Variants in BIK observed in about 807,000 individuals in gnomAD.
BIK encodes bcl-2-interacting killer.
BIK carries 14 observed loss-of-function variants against 12.1 expected under a neutral mutation model. The ratio of observed to expected loss-of-function variants is 1.16; its 90% CI spans 0.77 to 1.81. The LOEUF is 1.81. Ranked by LOEUF, BIK falls within the 40% of genes most tolerant of loss-of-function variation. The pLI, the probability that BIK is intolerant of heterozygous loss-of-function variation, is 0.00. For missense variants in BIK, 215 were observed against 207.9 expected (o/e 1.03, Z -0.21); for synonymous variants, 86 against 92.3 (o/e 0.93, Z 0.39).
In BIK at chr22:43,124,158, G is replaced by T. The variant is rs766525617; in HGVS notation, c.136G>T (p.Asp46Tyr). The change falls in exon 2 of 5, where the codon GAT becomes TAT. Residue 46 changes from aspartate to tyrosine, a missense_variant. Coordinates refer to ENST00000216115, the MANE Select transcript of BIK (RefSeq NM_001197.5). ...GGACCTGGACCCTATGGAGGACTTC[G>T]ATTCTTTGGAATGCATGGAGGGCAG... The part of the protein sequence containing the change: ...EEDLDPMEDF[D>Y]SLECMEGSDA... The T allele has an allele frequency of 3.7e-6, 6 of 1,614,112 alleles. No individual in the cohort carries two copies. In the East Asian group the frequency reaches 1.3e-4, roughly 36 times the overall value.
At chr22:43,125,565 G>C (rs903258753) in intron 2 of BIK, among the ~76,000 whole-genome samples, 1 of 136,802 alleles carries the variant, frequency 7.3e-6, no homozygotes, top group Non-Finnish European at 1.6e-5. Flanking sequence ...TGTTACCCAG[G>C]TATGGGGCCG....
rs150558820 is a variant in BIK, at chr22:43,127,759, C to T, written c.224C>T (p.Pro75Leu). 430 of 1,553,246 alleles carry T rather than the reference C, an allele frequency of 2.8e-4. No individual in the cohort carries two copies. Among genetic ancestry groups the T allele is most frequent in the Admixed American group, 5.5e-4 (28 of 51,334 alleles). ...GAGATGGACGTGAGCCTCAGGGCCC[C>T]GCGCCTGGCCCAGCTCTCCGAGGTG... is the stretch of plus-strand genomic sequence containing the variant. Reference protein sequence around the residue: ...GDEMDVSLRAPRLAQLSEVAM... With the variant: ...GDEMDVSLRALRLAQLSEVAM... Residue 75 changes from proline (P) to leucine (L), a missense_variant, in exon 3 of 5, where the codon CCG (proline) becomes CTG (leucine). Pro to Leu is a moderately conservative substitution (Grantham distance 98). Transcript: ENST00000216115.
In BIK at chr22:43,124,016, A is replaced by G; in HGVS notation, c.-7A>G. The G allele has an allele frequency of 6.2e-7, 1 of 1,613,826 alleles. No homozygotes were observed. The highest frequency in any genetic ancestry group is 8.5e-7 in the Non-Finnish European group (1 of 1,179,910). On this transcript the variant is annotated splice_region_variant and 5_prime_UTR_variant, in exon 2 of 5. Coordinates refer to ENST00000216115, the MANE Select transcript of BIK (RefSeq NM_001197.5). ...GTCATATGCTGTCTTTTTGCCCCAG[A>G]GGAGAAATGTCTGAAGTAAGACCCC... is the stretch of plus-strand genomic sequence containing the variant.
chr22:43,116,249 C>T (rs1413529223), intron 1 of BIK, among the ~76,000 whole-genome samples: 2 of 151,982 alleles, frequency 1.3e-5, no homozygotes, highest in Non-Finnish European at 2.9e-5. Flanking sequence ...TATAGGTGTT[C>T]GAACAGGAAA....
At chr22:43,128,357 G>A (rs1224123105) in intron 3 of BIK, 139 bp from the exon 4 acceptor site, 19 of 1,100,828 alleles carry the variant, frequency 1.7e-5, no homozygotes, top group East Asian at 1.7e-4. Context: ...AGGCGCCCAC[G>A]GAAAGGGCCC....
chr22:43,120,333 G>A (rs915697004), intron 1 of BIK, among the ~76,000 whole-genome samples: 1 of 152,222 alleles, frequency 6.6e-6, no homozygotes, highest in Non-Finnish European at 1.5e-5. Flanking sequence ...GATTATAGGC[G>A]AGCGCCACCA....
chr22:43,119,906 G>A lies in BIK; in HGVS notation c.-7-4110G>A, dbSNP rs1161186833. ...GATTACCTGAGCCCAGGAGTTTGAG[G>A]CTGTAGTGAGCATGATCAGGCCACT... is the stretch of plus-strand genomic sequence containing the variant. On this transcript the variant is annotated intron_variant, in intron 1 of 4. Coordinates refer to ENST00000216115, the MANE Select transcript of BIK (RefSeq NM_001197.5). 2.0e-5 allele frequency among the ~76,000 whole-genome samples: 3 copies of A among 151,052 alleles called. 1 individual carries two copies. The highest frequency in any genetic ancestry group is 6.6e-5 in the Admixed American group (1 of 15,252).
At chr22:43,120,192 C>G (rs754560630) in intron 1 of BIK, among the ~76,000 whole-genome samples, 21 of 151,976 alleles carry the variant, frequency 1.4e-4, no homozygotes, top group Non-Finnish European at 2.9e-4. Context: ...GTGGCACAAC[C>G]CCCCACTTGT....
intron 1 of BIK, among the ~76,000 whole-genome samples, chr22:43,115,116 AT>A (rs1930085655): frequency 6.6e-6 from 1 of 152,188 alleles, no homozygotes; most frequent in Admixed American, 6.5e-5. Flanking sequence ...ACAGGTAAAC[AT>A]TTAACGAGAC....
In BIK at chr22:43,119,853, C is replaced by T. The variant is rs894365820; in HGVS notation, c.-7-4163C>T. 7.9e-5 allele frequency among the ~76,000 whole-genome samples: 12 copies of T among 152,062 alleles called. No individual in the cohort carries two copies. In the South Asian group the frequency reaches 1.2e-3, roughly 16 times the overall value. ...GCCAAGTGCAGTGGTACATACCTGT[C>T]GAGTTACCCTGGAGGCTGAGGTGGG... On this transcript the variant is annotated intron_variant, in intron 1 of 4. Coordinates refer to ENST00000216115, the MANE Select transcript of BIK (RefSeq NM_001197.5).
chr22:43,127,835 G>C, intron 3 of BIK, 40 bp downstream of exon 3: 2 of 1,519,616 alleles, frequency 1.3e-6, no homozygotes, highest in Non-Finnish European at 1.8e-6. Flanking sequence ...CCTGGGGAGG[G>C]GCCCTGGGCG....
chr22:43,126,302 C>CA (rs1037327320), intron 2 of BIK, among the ~76,000 whole-genome samples: 27 of 152,236 alleles, frequency 1.8e-4, no homozygotes, highest in Admixed American at 1.6e-3. Context: ...TCTCCTGCCT[C>CA]AGCCTCCTGA....
Position 43,129,290 on chromosome 22 carries a change from C to T in BIK, c.468C>T (p.His156=). ...TGCCGCTGCTCAGCGGGGGCCTGCA[C>T]CTGCTGCTCAAGTGAGGCCCCGGCG... ...LLLPLLSGGL[H]LLLK Residue 156 remains histidine, a synonymous_variant, in exon 5 of 5, where the codon CAC becomes CAT. Coordinates refer to ENST00000216115, the MANE Select transcript of BIK (RefSeq NM_001197.5). 6 of 1,600,164 alleles carry T rather than the reference C, an allele frequency of 3.7e-6. No homozygotes were observed. The highest frequency in any genetic ancestry group is 1.1e-5 in the South Asian group (1 of 90,914).
intron 3 of BIK, 107 bp from the exon 4 acceptor site, chr22:43,128,389 G>A (rs1930364057): frequency 7.0e-7 from 1 of 1,422,692 alleles, no homozygotes; most frequent in African/African-American, 1.4e-5. Context: ...GGGGTGGGAG[G>A]GCACAGGCCC....
At chr22:43,125,240 C>T (rs1245594795) in intron 2 of BIK, among the ~76,000 whole-genome samples, 1 of 152,184 alleles carries the variant, frequency 6.6e-6, no homozygotes, top group Non-Finnish European at 1.5e-5. Flanking sequence ...CCTGTTTTAT[C>T]AGCAGGGTCT....
chr22:43,121,201 A>C lies in BIK; in HGVS notation c.-7-2815A>C, dbSNP rs558378285. On this transcript the variant is annotated intron_variant, in intron 1 of 4. Coordinates refer to ENST00000216115, the MANE Select transcript of BIK (RefSeq NM_001197.5). ...AAACAAACAAACAAACAAACAAAAAAACACTACCACCAACAAAAACACAAT... is the reference window on the plus strand; with the variant it reads ...AAACAAACAAACAAACAAACAAAAACACACTACCACCAACAAAAACACAAT... 2.0e-5 allele frequency among the ~76,000 whole-genome samples: 3 copies of C among 152,212 alleles called. No individual in the cohort carries two copies. In the East Asian group the frequency reaches 5.8e-4, roughly 29 times the overall value.
chr22:43,123,870 G>A, intron 1 of BIK, 146 bp from the exon 2 acceptor site: 1 of 777,372 alleles, frequency 1.3e-6, no homozygotes, highest in Non-Finnish European at 2.0e-6. Context: ...CATGCCTGTG[G>A]GAGCTGGGGT....
rs1189557677 is a variant in BIK at position 43,115,868 on chromosome 22, T to C, written c.-8+5065T>C. 3.3e-5 allele frequency among the ~76,000 whole-genome samples: 5 copies of C among 152,144 alleles called. No homozygotes were observed. In the South Asian group the frequency reaches 8.3e-4, roughly 25 times the overall value. On this transcript the variant is annotated intron_variant, in intron 1 of 4. Coordinates refer to ENST00000216115, the MANE Select transcript of BIK (RefSeq NM_001197.5). ...GCCTCTCAGGTTTAAGTGATTCTCC[T>C]GCCTTAGTCTCCCGAGTAGCTTGGA... is the stretch of plus-strand genomic sequence containing the variant.
At chr22:43,128,702 A>G in intron 4 of BIK, 77 bp downstream of exon 4, 1 of 1,511,462 alleles carries the variant, frequency 6.6e-7, no homozygotes, top group Non-Finnish European at 8.9e-7. Context: ...TTGGGGCGCC[A>G]CAGTCCCCAC....
Sources: allele counts gnomAD v4.1 joint callset (sites outside exome capture counted in the v4.1 genomes callset), GRCh38; gene constraint gnomAD v4.1.1; transcripts MANE v1.5; gene names NCBI Gene and HGNC (gene_info 2026-07-23, HGNC 2026-07-21).